CMSS1: variants seen among roughly 807,000 people sequenced by gnomAD.
The protein encoded by CMSS1 is protein CMSS1.
In CMSS1, 33 loss-of-function variants were observed where a neutral mutation model predicts 43.5. That is an observed-to-expected ratio of 0.76 (90% CI 0.57 to 1.01). The LOEUF (loss-of-function observed/expected upper bound fraction) is 1.01, where lower values mean the gene tolerates loss of function less well. Ranked by LOEUF, CMSS1 falls within the 50% of genes least tolerant of loss-of-function variation. The pLI is 0.00. For missense variants in CMSS1, 313 were observed against 326.4 expected (o/e 0.96, Z 0.32); for synonymous variants, 115 against 117.2 (o/e 0.98, Z 0.12).
At chr3:99,911,338 GTTA>G in intron 1 of CMSS1, among the ~76,000 whole-genome samples, 1 of 148,718 alleles carries the variant, frequency 6.7e-6, no homozygotes, top group East Asian at 1.9e-4. Context: ...TATATTATAT[GTTA>G]TTATAACAAA....
At chr3:100,062,198 GC>G (rs931768629) in intron 1 of CMSS1, among the ~76,000 whole-genome samples, 9 of 133,914 alleles carry the variant, frequency 6.7e-5, no homozygotes, top group African/African-American at 2.5e-4. Flanking sequence ...TGCAAGCTCC[GC>G]CTCCCGGGTT....
chr3:100,018,409 T>G (rs1412643062), intron 1 of CMSS1, among the ~76,000 whole-genome samples: 6 of 152,126 alleles, frequency 3.9e-5, no homozygotes, highest in Admixed American at 3.9e-4. Flanking sequence ...CCACAAAACT[T>G]CAGCATATTT....
chr3:100,117,042 A>G (rs1005650249), intron 1 of CMSS1, among the ~76,000 whole-genome samples: 6 of 152,206 alleles, frequency 3.9e-5, no homozygotes, highest in African/African-American at 1.2e-4. Context: ...TGAAGATGTC[A>G]TGGAAACAAA....
intron 1 of CMSS1, among the ~76,000 whole-genome samples, chr3:99,956,630 A>C (rs1447501559): frequency 6.6e-6 from 1 of 152,224 alleles, no homozygotes; most frequent in Non-Finnish European, 1.5e-5. Context: ...TAAAGGCGTG[A>C]GCCCCCGCGC....
At chr3:100,109,184 T>G (rs2066444690) in intron 1 of CMSS1, among the ~76,000 whole-genome samples, 1 of 152,116 alleles carries the variant, frequency 6.6e-6, no homozygotes, top group Non-Finnish European at 1.5e-5. Flanking sequence ...AATCATTTTT[T>G]AAGGGTTCTT....
rs1158140593 is a variant in CMSS1 at position 99,910,652 on chromosome 3, C to G, written c.64+92609C>G. Among the ~76,000 whole-genome samples the G allele has an allele frequency of 1.5e-5, 2 of 136,592 alleles. 1 individual carries two copies. The highest frequency in any genetic ancestry group is 3.3e-5 in the Non-Finnish European group (2 of 59,730). 89.6% of individuals were successfully genotyped at this position (136,592 alleles called of 152,430 possible). On this transcript the variant is annotated intron_variant, in intron 1 of 9. Transcript: ENST00000421999. The stretch of plus-strand genomic sequence containing the variant: ...AATACGCTATAATTCTAACTATTAT[C>G]TCCATATGTAAATAAACATTTTATG...
At chr3:99,991,462 G>A (rs1432199870) in intron 1 of CMSS1, among the ~76,000 whole-genome samples, 1 of 151,840 alleles carries the variant, frequency 6.6e-6, no homozygotes, top group Non-Finnish European at 1.5e-5. Flanking sequence ...TCTTTTTTAT[G>A]TTTATATATT....
At chr3:99,825,248 G>T (rs1942515218) in intron 1 of CMSS1, among the ~76,000 whole-genome samples, 1 of 152,186 alleles carries the variant, frequency 6.6e-6, no homozygotes, top group Non-Finnish European at 1.5e-5. Context: ...CCTTGTTTTA[G>T]ACACTGTACC....
At chr3:99,867,541 A>T (rs1944582491) in intron 1 of CMSS1, among the ~76,000 whole-genome samples, 1 of 152,210 alleles carries the variant, frequency 6.6e-6, no homozygotes. Context: ...CACATATCTG[A>T]TGGACAGGAA....
Position 99,942,524 on chromosome 3 carries a change from A to G in CMSS1, c.64+124481A>G, listed in dbSNP as rs542469417. Among the ~76,000 whole-genome samples, 5 of 152,352 alleles carry G rather than the reference A, an allele frequency of 3.3e-5. No individual in the cohort carries two copies. In the South Asian group the frequency reaches 1.0e-3, roughly 32 times the overall value. On this transcript the variant is annotated intron_variant, in intron 1 of 9. Coordinates refer to ENST00000421999, the MANE Select transcript of CMSS1 (RefSeq NM_032359.4). Reference sequence around the variant, plus strand: ...AAAGCACTAGGCACATATTGGATACATAAACATTTTAAGAAGTGGTTTCCT... The same window carrying G: ...AAAGCACTAGGCACATATTGGATACGTAAACATTTTAAGAAGTGGTTTCCT...
intron 1 of CMSS1, among the ~76,000 whole-genome samples, chr3:99,977,959 A>T (rs1268497224): frequency 6.6e-6 from 1 of 152,200 alleles, no homozygotes; most frequent in Non-Finnish European, 1.5e-5. Flanking sequence ...CAAAATTTCC[A>T]TGAGCAAATT....
At chr3:100,007,192 T>C (rs1710012831) in intron 1 of CMSS1, among the ~76,000 whole-genome samples, 1 of 152,222 alleles carries the variant, frequency 6.6e-6, no homozygotes, top group Non-Finnish European at 1.5e-5. Context: ...TCTTAAGGCT[T>C]TTATTGCTTT....
chr3:100,167,675 A>G (rs950230861), intron 5 of CMSS1, 63 bp from the exon 6 acceptor site: 2 of 967,604 alleles, frequency 2.1e-6, no homozygotes, highest in African/African-American at 3.2e-5. Context: ...AGAAATGCTC[A>G]ACTTGGGAGG....
intron 1 of CMSS1, among the ~76,000 whole-genome samples, chr3:100,003,006 C>T (rs769943265): frequency 2.0e-5 from 3 of 152,172 alleles, no homozygotes; most frequent in African/African-American, 2.4e-5. Flanking sequence ...GGAGGGATGA[C>T]GTAATGGATT....
chr3:100,171,602 T>C (rs2067110576), intron 6 of CMSS1, among the ~76,000 whole-genome samples: 1 of 152,186 alleles, frequency 6.6e-6, no homozygotes, highest in South Asian at 2.1e-4. Flanking sequence ...CTAAGTAAGG[T>C]TGACCTTGTG....
At chr3:99,934,165 A>G (rs1707582953) in intron 1 of CMSS1, among the ~76,000 whole-genome samples, 1 of 152,178 alleles carries the variant, frequency 6.6e-6, no homozygotes. Flanking sequence ...GAAGCTCCCA[A>G]CATCTCATTT....
intron 1 of CMSS1, among the ~76,000 whole-genome samples, chr3:99,832,137 T>C (rs996316470): frequency 6.6e-6 from 1 of 152,176 alleles, no homozygotes; most frequent in Non-Finnish European, 1.5e-5. Flanking sequence ...TTTTGTTTTC[T>C]AGGTAACTCC....
At position 99,900,561 on chromosome 3, in the gene CMSS1, G is replaced by A. The variant is rs149433354; in HGVS notation, c.64+82518G>A. On this transcript the variant is annotated intron_variant, in intron 1 of 9. Coordinates refer to ENST00000421999, the MANE Select transcript of CMSS1 (RefSeq NM_032359.4). ...TTTGGCCCCAAATGCCATACCTTTA[G>A]CCCTATGTTATAACTAAGGTGTAAT... is the stretch of plus-strand genomic sequence containing the variant. 2.6e-4 allele frequency among the ~76,000 whole-genome samples: 40 copies of A among 152,288 alleles called. 1 individual carries two copies. The East Asian group carries it at 7.3e-3, about 28-fold the overall frequency.
intron 1 of CMSS1, among the ~76,000 whole-genome samples, chr3:99,992,986 G>T (rs370852036): frequency 6.6e-6 from 1 of 151,954 alleles, no homozygotes; most frequent in African/African-American, 2.4e-5. Context: ...GTATGCGGCC[G>T]TATTTCTGGG....
Sources: allele counts gnomAD v4.1 joint callset (sites outside exome capture counted in the v4.1 genomes callset), GRCh38; gene constraint gnomAD v4.1.1; transcripts MANE v1.5; gene names NCBI Gene and HGNC (gene_info 2026-07-23, HGNC 2026-07-21).